Variants in DLC1 observed in about 807,000 individuals in gnomAD.
The protein encoded by DLC1 is DLC1 Rho GTPase activating protein, also known as rho GTPase-activating protein 7.
A neutral mutation model predicts 140.3 loss-of-function variants in DLC1; 54 were observed. The ratio of observed to expected loss-of-function variants is 0.38; its 90% confidence interval spans 0.31 to 0.48. The LOEUF (loss-of-function observed/expected upper bound fraction) is 0.48. Ranked by LOEUF, DLC1 falls within the 20% of genes least tolerant of loss-of-function variation. The probability of loss-of-function intolerance (pLI) is 0.96; values close to 1 mark genes in which losing one functional copy is unlikely to be tolerated. For missense variants in DLC1, 2,536 were observed against 1,907.0 expected (o/e 1.33, Z -6.14); for synonymous variants, 986 against 728.1 (o/e 1.35, Z -5.70).
intron 3 of DLC1, among the ~76,000 whole-genome samples, chr8:13,396,419 T>C (rs1467207142): frequency 6.6e-6 from 1 of 152,212 alleles, no homozygotes; most frequent in Non-Finnish European, 1.5e-5. Flanking sequence ...TTGTATCTTT[T>C]GAACCATGTA....
intron 5 of DLC1, among the ~76,000 whole-genome samples, chr8:13,260,052 A>C (rs934855407): frequency 1.3e-5 from 2 of 152,134 alleles, no homozygotes; most frequent in Non-Finnish European, 2.9e-5. Flanking sequence ...AAGAAAACAC[A>C]CAAACAGCAG....
chr8:13,237,328 G>GTA lies in DLC1; in HGVS notation c.1348+67939_1348+67940dup, dbSNP rs111262176. On this transcript the variant is annotated intron_variant, in intron 5 of 17. Transcript: ENST00000276297. Reference sequence around the variant, plus strand: ...TATATACATATATATCAGCTTCTGTGTATATATATATATACACACACACAC... The same window carrying GTA: ...TATATACATATATATCAGCTTCTGTGTATATATATATATATACACACACACAC... Among the ~76,000 whole-genome samples, 1,055 of 145,270 alleles carry GTA rather than the reference G, an allele frequency of 7.3e-3. 9 individuals carry two copies. Among genetic ancestry groups the GTA allele is most frequent in the African/African-American group, 0.02 (809 of 39,556 alleles).
intron 4 of DLC1, among the ~76,000 whole-genome samples, chr8:13,317,736 G>T (rs1287404669): frequency 6.6e-6 from 1 of 152,124 alleles, no homozygotes; most frequent in Non-Finnish European, 1.5e-5. Context: ...TTCAAATTAG[G>T]ACCCTTAAGA....
intron 1 of DLC1, among the ~76,000 whole-genome samples, chr8:13,508,665 A>G (rs184719694): frequency 8.1e-4 from 123 of 151,962 alleles, no homozygotes; most frequent in Non-Finnish European, 1.1e-3. Flanking sequence ...TGATCTGCCC[A>G]CCTCGGCCTC....
chr8:13,187,453 T>C (rs1002064575), intron 5 of DLC1, among the ~76,000 whole-genome samples: 4 of 152,170 alleles, frequency 2.6e-5, no homozygotes, highest in African/African-American at 4.8e-5. Context: ...CAGATTTTAG[T>C]ATGGTATCTT....
chr8:13,236,861 A>G (rs1829304564), intron 5 of DLC1, among the ~76,000 whole-genome samples: 1 of 152,066 alleles, frequency 6.6e-6, no homozygotes, highest in Non-Finnish European at 1.5e-5. Flanking sequence ...AAACAAAGCT[A>G]TAGCTAGGTG....
intron 2 of DLC1, among the ~76,000 whole-genome samples, chr8:13,419,264 G>A (rs577777073): frequency 9.4e-4 from 143 of 151,956 alleles, no homozygotes; most frequent in African/African-American, 3.3e-3. Flanking sequence ...GAATAGGAGT[G>A]GTGAGAGAGG....
chr8:13,335,262 A>T (rs1003982442), intron 4 of DLC1, among the ~76,000 whole-genome samples: 6 of 152,206 alleles, frequency 3.9e-5, no homozygotes, highest in African/African-American at 1.4e-4. Flanking sequence ...AATAGCAGCT[A>T]GCAGGATTGA....
At chr8:13,512,770 T>A (rs1412359852) in intron 1 of DLC1, among the ~76,000 whole-genome samples, 2 of 152,054 alleles carry the variant, frequency 1.3e-5, no homozygotes, top group African/African-American at 4.8e-5. Flanking sequence ...TAGCCCTATT[T>A]TTAAAGAAAC....
intron 4 of DLC1, among the ~76,000 whole-genome samples, chr8:13,360,964 C>A (rs1240079123): frequency 5.9e-5 from 9 of 151,910 alleles, no homozygotes. Context: ...GCTGCAGCGG[C>A]TCATGCCTGC....
At chr8:13,432,863 C>T (rs1028101437) in intron 2 of DLC1, among the ~76,000 whole-genome samples, 10 of 151,026 alleles carry the variant, frequency 6.6e-5, no homozygotes, top group African/African-American at 2.4e-4. Flanking sequence ...AAGGGAAACA[C>T]TTTCAAGAGT....
chr8:13,201,664 C>T (rs562996561), intron 5 of DLC1, among the ~76,000 whole-genome samples: 2 of 152,050 alleles, frequency 1.3e-5, no homozygotes, highest in African/African-American at 4.8e-5. Context: ...TTGGAGTCTC[C>T]AAAATCTCCA....
chr8:13,218,367 A>G (rs1290660700), intron 5 of DLC1, among the ~76,000 whole-genome samples: 1 of 152,218 alleles, frequency 6.6e-6, no homozygotes, highest in Non-Finnish European at 1.5e-5. Flanking sequence ...AAGCATGAAC[A>G]ACAAAAGAAG....
intron 2 of DLC1, among the ~76,000 whole-genome samples, chr8:13,449,963 T>C (rs1798964444): frequency 6.6e-6 from 1 of 151,994 alleles, no homozygotes; most frequent in African/African-American, 2.4e-5. Context: ...AGCTATAACT[T>C]TATAATACTA....
chr8:13,585,419 AG>A (rs1332457202), intron 1 of DLC1, among the ~76,000 whole-genome samples: 2 of 152,220 alleles, frequency 1.3e-5, no homozygotes, highest in Non-Finnish European at 2.9e-5. Context: ...TTAAAAAAAA[AG>A]AATGAAGAAA....
intron 2 of DLC1, among the ~76,000 whole-genome samples, chr8:13,444,980 C>T (rs757710603): frequency 4.0e-5 from 6 of 150,046 alleles, no homozygotes; most frequent in Non-Finnish European, 7.4e-5. Flanking sequence ...AAGGAGAGAA[C>T]GAAAAAGGCA....
chr8:13,406,605 T>G (rs566642704), intron 2 of DLC1, among the ~76,000 whole-genome samples: 1 of 152,304 alleles, frequency 6.6e-6, no homozygotes, highest in African/African-American at 2.4e-5. Flanking sequence ...CCTCAGTTCC[T>G]TTAATTATTT....
chr8:13,570,694 A>T (rs1026182173), intron 1 of DLC1, among the ~76,000 whole-genome samples: 1 of 151,582 alleles, frequency 6.6e-6, no homozygotes, highest in East Asian at 1.9e-4. Flanking sequence ...CCAGTCTATG[A>T]TTGTTGGACA....
chr8:13,451,907 T>C (rs998733370), intron 2 of DLC1, among the ~76,000 whole-genome samples: 2 of 152,198 alleles, frequency 1.3e-5, no homozygotes, highest in Non-Finnish European at 2.9e-5. Flanking sequence ...TGCTGGATCA[T>C]ATGGTAGCTC....
Sources: gnomAD v4.1 joint callset for allele counts (sites outside exome capture counted in the v4.1 genomes callset) on GRCh38, gnomAD v4.1.1 for gene constraint, MANE v1.5 for transcripts, NCBI Gene and HGNC (gene_info 2026-07-23, HGNC 2026-07-21) for gene names.